Variants in A1CF observed in about 807,000 individuals in gnomAD.
A1CF encodes the protein APOBEC1 complementation factor.
In A1CF, 48 loss-of-function variants were observed where a neutral mutation model predicts 68.9. The ratio of observed to expected loss-of-function variants is 0.70; its 90% CI spans 0.55 to 0.89. The LOEUF is 0.89. Ranked by LOEUF, A1CF falls within the 40% of genes least tolerant of loss-of-function variation. The probability of loss-of-function intolerance (pLI) is 0.00; values close to 1 mark genes in which losing one functional copy is unlikely to be tolerated. For synonymous variants in A1CF, 272 were observed against 260.4 expected, an observed-to-expected ratio of 1.04 and a Z score of -0.43; for missense variants, 653 against 718.9, an observed-to-expected ratio of 0.91 and a Z score of 1.05.
chr10:50,829,461 A>G (rs1839134692), intron 6 of A1CF, among the ~76,000 whole-genome samples: 1 of 152,198 alleles, frequency 6.6e-6, no homozygotes, highest in Admixed American at 6.5e-5. Context: ...TAATTACTAC[A>G]CATAGGAAGC....
chr10:50,850,977 T>C lies in A1CF; in HGVS notation c.100-6855A>G, dbSNP rs191754975. Among the ~76,000 whole-genome samples, 276 of 152,350 alleles carry C rather than the reference T, an allele frequency of 1.8e-3. 1 individual carries two copies. Among genetic ancestry groups the C allele is most frequent in the African/African-American group, 6.3e-3 (260 of 41,586 alleles). On this transcript the variant is annotated intron_variant, in intron 3 of 12. Coordinates refer to ENST00000373997, the MANE Select transcript of A1CF (RefSeq NM_014576.4). Reference sequence around the variant, plus strand: ...ATGGCCGCTAGATCTGATTAAGTTATGCAAAACTTCCCATGTGCAGATAAA... The same window carrying C: ...ATGGCCGCTAGATCTGATTAAGTTACGCAAAACTTCCCATGTGCAGATAAA...
At chr10:50,840,133 G>A (rs942121620) in intron 5 of A1CF, among the ~76,000 whole-genome samples, 1 of 151,858 alleles carries the variant, frequency 6.6e-6, no homozygotes, top group Non-Finnish European at 1.5e-5. Context: ...GAAAGTGAGA[G>A]AAAAATAATT....
At position 50,841,870 on chromosome 10, in the gene A1CF, AT is replaced by A; in HGVS notation, c.356del (p.Tyr119LeufsTer9). On this transcript the variant is annotated frameshift_variant, in exon 5 of 13. Transcript: ENST00000373997. LOFTEE classifies it high-confidence loss of function. The stretch of plus-strand genomic sequence containing the variant: ...GAAGAGGCGGAGCTTACCTAATTTC[AT>A]AATTATTAAGTTGCTTGATTGCATT... ...AKNAIKQLNN[Y>X]EIRNGRLLGV... The A allele has an allele frequency of 1.2e-6, 2 of 1,613,062 alleles. No homozygotes were observed. Among genetic ancestry groups the A allele is most frequent in the Non-Finnish European group, 1.7e-6 (2 of 1,179,718 alleles).
At chr10:50,848,340 C>T (rs549194392) in intron 3 of A1CF, among the ~76,000 whole-genome samples, 6 of 152,250 alleles carry the variant, frequency 3.9e-5, no homozygotes, top group Admixed American at 3.3e-4. Flanking sequence ...GTAGAAAAGA[C>T]TAGAATAAAG....
In A1CF at chr10:50,799,409, T is replaced by C. The variant is rs1167545344; in HGVS notation, c.*7320A>G. On this transcript the variant is annotated 3_prime_UTR_variant, in exon 13 of 13. Coordinates refer to ENST00000373997, the MANE Select transcript of A1CF (RefSeq NM_014576.4). ...AGAAAAAATTAGGCACCAACTCATA[T>C]TGATAATTTTTAAAACTTTATAATG... 1 of 152,152 alleles carries C rather than the reference T, an allele frequency of 6.6e-6. No individual in the cohort carries two copies. Among genetic ancestry groups the C allele is most frequent in the African/African-American group, 2.4e-5 (1 of 41,442 alleles). The allele number at this position is 152,152 out of a possible 1,614,324, so 9.4% of individuals were successfully genotyped here.
chr10:50,826,999 G>C (rs1186761915), intron 7 of A1CF, among the ~76,000 whole-genome samples: 11 of 151,974 alleles, frequency 7.2e-5, no homozygotes, highest in South Asian at 2.1e-4. Flanking sequence ...TCTGATAAAA[G>C]AGACTTTAAA....
Position 50,816,097 on chromosome 10 carries a change from G to C in A1CF, c.1050C>G (p.Pro350=), listed in dbSNP as rs375973883. 3.1e-6 allele frequency: 5 copies of C among 1,613,788 alleles called. No individual in the cohort carries two copies. The African/African-American group carries it at 4.0e-5, about 13-fold the overall frequency. ...GACTGGGAATTGCTGCATAGGTCTG[G>C]GGGGCATAGAAGACAGGAGCTCCAA... ...TYLGAPVFYA[P]QTYAAIPSLH... The change falls in exon 9 of 13, where the codon CCC becomes CCG. Residue 350 remains proline, a synonymous_variant. Transcript: ENST00000373997.
intron 12 of A1CF, among the ~76,000 whole-genome samples, chr10:50,809,180 T>C (rs1272659676): frequency 6.6e-6 from 1 of 152,170 alleles, no homozygotes; most frequent in Non-Finnish European, 1.5e-5. Context: ...GAAGGCATTG[T>C]TGATCCACGG....
chr10:50,820,416 TA>T, intron 8 of A1CF, 135 bp downstream of exon 8: 1 of 611,636 alleles, frequency 1.6e-6, no homozygotes, highest in Non-Finnish European at 2.7e-6. Context: ...TTCTCTTTAG[TA>T]CATCTTAAAT....
Position 50,801,360 on chromosome 10 carries a change from C to G in A1CF, c.*5369G>C, listed in dbSNP as rs527962380. 6.6e-6 allele frequency: 1 copy of G among 152,230 alleles called. No homozygotes were observed. The highest frequency in any genetic ancestry group is 2.4e-5 in the African/African-American group (1 of 41,530). 9.4% of individuals were successfully genotyped at this position (152,230 alleles called of 1,614,324 possible). On this transcript the variant is annotated 3_prime_UTR_variant, in exon 13 of 13. Transcript: ENST00000373997. Reference sequence around the variant, plus strand: ...GCCAATTCTACAAAATTAAAAACAACAAGAAAACAACAACAACCCATAAAG... The same window carrying G: ...GCCAATTCTACAAAATTAAAAACAAGAAGAAAACAACAACAACCCATAAAG...
At chr10:50,885,471 G>A (rs775437301) in intron 1 of A1CF, 110 bp downstream of exon 1, 3 of 152,136 alleles carry the variant, frequency 2.0e-5, no homozygotes, top group African/African-American at 2.4e-5. Context: ...CTTTGAATTA[G>A]GCTCGATAAC....
intron 12 of A1CF, among the ~76,000 whole-genome samples, chr10:50,808,982 C>T (rs1270349736): frequency 2.0e-5 from 3 of 150,692 alleles, no homozygotes; most frequent in African/African-American, 7.3e-5. Context: ...TAAAAAATGA[C>T]AGATTTCTTT....
At chr10:50,865,164 G>A (rs12243100) in intron 1 of A1CF, among the ~76,000 whole-genome samples, 40 of 152,148 alleles carry the variant, frequency 2.6e-4, no homozygotes, top group African/African-American at 8.7e-4. Flanking sequence ...TGCTACCTGG[G>A]AGGTGGATCA....
chr10:50,841,990 G>T lies in A1CF; in HGVS notation c.237C>A (p.Ile79=). Residue 79 remains isoleucine (I), a splice_region_variant and synonymous_variant, in exon 5 of 13, where the codon ATC becomes ATA. Coordinates refer to ENST00000373997, the MANE Select transcript of A1CF (RefSeq NM_014576.4). ...TCATTCTCATTTCATAAATTTTACC[G>T]ATCTGCAAGTAATAGAAATAGAACA... ...EDELIPLCEK[I]GKIYEMRMMM... 1 of 1,606,118 alleles carries T rather than the reference G, an allele frequency of 6.2e-7. No individual in the cohort carries two copies. The highest frequency in any genetic ancestry group is 1.1e-5 in the South Asian group (1 of 90,230).
At chr10:50,879,957 C>CTATA (rs1841697412) in intron 1 of A1CF, among the ~76,000 whole-genome samples, 2 of 152,054 alleles carry the variant, frequency 1.3e-5, no homozygotes, top group Non-Finnish European at 2.9e-5. Context: ...GGGAGTATTC[C>CTATA]TGTTTAACTA....
intron 1 of A1CF, among the ~76,000 whole-genome samples, chr10:50,884,771 G>C (rs150665558): frequency 7.2e-5 from 11 of 152,296 alleles, no homozygotes; most frequent in African/African-American, 1.7e-4. Flanking sequence ...ATGACAAAAA[G>C]TCAGAGAGTT....
At chr10:50,811,784 T>C (rs1838126365) in intron 10 of A1CF, among the ~76,000 whole-genome samples, 1 of 152,214 alleles carries the variant, frequency 6.6e-6, no homozygotes, top group Non-Finnish European at 1.5e-5. Context: ...AATGACAATA[T>C]GCTTTTTAGC....
Position 50,836,125 on chromosome 10 carries a change from C to T in A1CF, c.553G>A (p.Glu185Lys). Residue 185 changes from glutamate to lysine, a missense_variant, in exon 6 of 13, where the codon GAG becomes AAG. By Grantham distance (56) the Glu-to-Lys change is moderately conservative. Coordinates refer to ENST00000373997, the MANE Select transcript of A1CF (RefSeq NM_014576.4). Reference sequence around the variant, plus strand: ...GCAGCTGCTCGATGACTCTCATACTCCACGAAGGCAAAGCCTCGGTTTTTG... The same window carrying T: ...GCAGCTGCTCGATGACTCTCATACTTCACGAAGGCAAAGCCTCGGTTTTTG... ...KTKNRGFAFV[E>K]YESHRAAAMA... is the part of the protein sequence containing the mutation. 1 of 1,614,006 alleles carries T rather than the reference C, an allele frequency of 6.2e-7. No homozygotes were observed. Among genetic ancestry groups the T allele is most frequent in the Non-Finnish European group, 8.5e-7 (1 of 1,179,900 alleles).
At position 50,804,040 on chromosome 10, in the gene A1CF, A is replaced by G. The variant is rs1003325286; in HGVS notation, c.*2689T>C. 11 of 152,206 alleles carry G rather than the reference A, an allele frequency of 7.2e-5. No individual in the cohort carries two copies. The highest frequency in any genetic ancestry group is 2.7e-4 in the African/African-American group (11 of 41,468). The allele number at this position is 152,206 out of a possible 1,614,324, so 9.4% of individuals were successfully genotyped here. ...TAACTTGGGGAAAGTAAAAATAAAC[A>G]TATGGCATGGTAGACACATTAACAC... On this transcript the variant is annotated 3_prime_UTR_variant, in exon 13 of 13. Coordinates refer to ENST00000373997, the MANE Select transcript of A1CF (RefSeq NM_014576.4).
Sources: allele counts gnomAD v4.1 joint callset (sites outside exome capture counted in the v4.1 genomes callset), GRCh38; gene constraint gnomAD v4.1.1; transcripts MANE v1.5; gene names NCBI Gene and HGNC (gene_info 2026-07-23, HGNC 2026-07-21).